Variants in GABRB3 observed in about 807,000 individuals in gnomAD.
GABRB3 encodes gamma-aminobutyric acid receptor subunit beta-3.
Under a neutral mutation model 52.1 loss-of-function variants are expected in GABRB3, and 14 were observed. That is an observed-to-expected ratio of 0.27 (90% confidence interval 0.18 to 0.42). The LOEUF (loss-of-function observed/expected upper bound fraction) is 0.42, where lower values mean the gene tolerates loss of function less well. Ranked by LOEUF, GABRB3 falls within the 10% of genes least tolerant of loss-of-function variation. GABRB3 has a pLI of 1.00. For synonymous variants in GABRB3, 260 were observed against 232.3 expected, an observed-to-expected ratio of 1.12 and a Z score of -1.08; for missense variants, 307 against 609.1, an observed-to-expected ratio of 0.50 and a Z score of 5.22.
intron 6 of GABRB3, among the ~76,000 whole-genome samples, chr15:26,573,080 TCTGTGAACTAATAAG>T (rs1890466977): frequency 1.3e-5 from 2 of 152,170 alleles, no homozygotes; most frequent in South Asian, 4.1e-4. Flanking sequence ...CTCAAATGCA[TCTGTGAACTAATAAG>T]CTGGTATTTC....
intron 3 of GABRB3, among the ~76,000 whole-genome samples, chr15:26,682,053 A>AT (rs1888256240): frequency 6.6e-6 from 1 of 152,078 alleles, no homozygotes; most frequent in Admixed American, 6.5e-5. Context: ...ATTTTATTTT[A>AT]TTTTTTGGAG....
intron 4 of GABRB3, among the ~76,000 whole-genome samples, chr15:26,592,090 A>T (rs2140760007): frequency 6.6e-6 from 1 of 152,322 alleles, no homozygotes; most frequent in Non-Finnish European, 1.5e-5. Context: ...CATGGAACCC[A>T]GAGGCTTGAA....
At chr15:26,745,504 G>A (rs8038471) in intron 3 of GABRB3, among the ~76,000 whole-genome samples, 67,901 of 151,820 alleles carry the variant, frequency 0.45, 16,373 homozygotes, top group Admixed American at 0.59. Flanking sequence ...TATGTGGGCA[G>A]GAACAGCTAT....
At chr15:26,771,235 A>G (rs907500443) in intron 3 of GABRB3, among the ~76,000 whole-genome samples, 2 of 152,184 alleles carry the variant, frequency 1.3e-5, no homozygotes, top group African/African-American at 4.8e-5. Context: ...TTCTCAAAAT[A>G]TTGTCCACAA....
intron 3 of GABRB3, among the ~76,000 whole-genome samples, chr15:26,733,455 G>A (rs184346693): frequency 2.3e-3 from 356 of 152,216 alleles, no homozygotes; most frequent in African/African-American, 8.0e-3. Flanking sequence ...CCAAGGAGGT[G>A]AAAGACATGT....
At chr15:26,683,394 T>C (rs1302022571) in intron 3 of GABRB3, among the ~76,000 whole-genome samples, 1 of 152,142 alleles carries the variant, frequency 6.6e-6, no homozygotes, top group East Asian at 1.9e-4. Flanking sequence ...AGGAAACAGC[T>C]CATTGCTGGG....
chr15:26,634,662 T>A (rs1170244692), intron 3 of GABRB3, among the ~76,000 whole-genome samples: 1 of 151,918 alleles, frequency 6.6e-6, no homozygotes, highest in Non-Finnish European at 1.5e-5. Context: ...ATATAGGGAA[T>A]GACCAGATGC....
At chr15:26,584,030 C>G (rs2140739676) in intron 4 of GABRB3, among the ~76,000 whole-genome samples, 1 of 152,286 alleles carries the variant, frequency 6.6e-6, no homozygotes, top group South Asian at 2.1e-4. Flanking sequence ...CCTGCCTCGG[C>G]CTCCCAAAGT....
chr15:26,605,307 T>C lies in GABRB3; in HGVS notation c.461+16007A>G, dbSNP rs118166781. Among the ~76,000 whole-genome samples, 57 of 152,294 alleles carry C rather than the reference T, an allele frequency of 3.7e-4. No homozygotes were observed. In the East Asian group the frequency reaches 8.5e-3, roughly 23 times the overall value. Reference sequence around the variant, plus strand: ...AGAGAAAAGGGAACCTCGAATACTATTGGTGGGGATGTATGTTAGTACAAC... The same window carrying C: ...AGAGAAAAGGGAACCTCGAATACTACTGGTGGGGATGTATGTTAGTACAAC... On this transcript the variant is annotated intron_variant, in intron 4 of 8. Transcript: ENST00000311550.
intron 4 of GABRB3, among the ~76,000 whole-genome samples, chr15:26,608,234 T>C (rs1000708352): frequency 6.6e-6 from 1 of 152,104 alleles, no homozygotes; most frequent in Non-Finnish European, 1.5e-5. Flanking sequence ...CCATAAATGC[T>C]GTTGGGAAAA....
chr15:26,674,942 T>A (rs1888021578), intron 3 of GABRB3, among the ~76,000 whole-genome samples: 1 of 152,156 alleles, frequency 6.6e-6, no homozygotes, highest in African/African-American at 2.4e-5. Flanking sequence ...TAATAACATA[T>A]CAAATAAAAC....
intron 6 of GABRB3, among the ~76,000 whole-genome samples, chr15:26,571,703 C>A (rs921843161): frequency 6.6e-6 from 1 of 152,234 alleles, no homozygotes; most frequent in African/African-American, 2.4e-5. Flanking sequence ...TCTGGAAATT[C>A]GCCAAGATAC....
At chr15:26,646,101 T>C (rs1893341361) in intron 3 of GABRB3, among the ~76,000 whole-genome samples, 1 of 152,158 alleles carries the variant, frequency 6.6e-6, no homozygotes, top group Non-Finnish European at 1.5e-5. Flanking sequence ...TTTTTAAGGG[T>C]ACAATCGAAT....
chr15:26,555,418 T>C (rs1447156379), intron 8 of GABRB3, among the ~76,000 whole-genome samples: 5 of 152,184 alleles, frequency 3.3e-5, no homozygotes, highest in Non-Finnish European at 7.3e-5. Flanking sequence ...AAGATTTAGA[T>C]ACAAATCTGT....
At chr15:26,570,243 G>A (rs2140704827) in intron 6 of GABRB3, among the ~76,000 whole-genome samples, 1 of 152,302 alleles carries the variant, frequency 6.6e-6, no homozygotes, top group East Asian at 1.9e-4. Context: ...AAACATATGT[G>A]GATTTTGGTT....
intron 3 of GABRB3, among the ~76,000 whole-genome samples, chr15:26,758,229 G>A (rs570566780): frequency 6.6e-6 from 1 of 152,186 alleles, no homozygotes; most frequent in Non-Finnish European, 1.5e-5. Flanking sequence ...ATGGCAGCAT[G>A]AGCAGGTTCT....
At chr15:26,746,962 G>A (rs372017259) in intron 3 of GABRB3, among the ~76,000 whole-genome samples, 2 of 152,100 alleles carry the variant, frequency 1.3e-5, no homozygotes, top group East Asian at 3.8e-4. Context: ...ACTCCAGCCT[G>A]GGCGACAGAG....
intron 3 of GABRB3, among the ~76,000 whole-genome samples, chr15:26,709,050 C>T (rs1322781785): frequency 2.6e-5 from 4 of 152,130 alleles, no homozygotes; most frequent in Non-Finnish European, 4.4e-5. Context: ...TTTTTTACTT[C>T]CATAAAGCAA....
chr15:26,767,866 GA>G (rs1221878633), intron 3 of GABRB3, among the ~76,000 whole-genome samples: 2 of 152,046 alleles, frequency 1.3e-5, no homozygotes, highest in Non-Finnish European at 2.9e-5. Context: ...CTTCTAAAAA[GA>G]AGAAAAACAT....
Sources: gnomAD v4.1 joint callset for allele counts (sites outside exome capture counted in the v4.1 genomes callset) on GRCh38, gnomAD v4.1.1 for gene constraint, MANE v1.5 for transcripts, NCBI Gene and HGNC (gene_info 2026-07-23, HGNC 2026-07-21) for gene names.